TENM2: variants seen among roughly 807,000 people sequenced by gnomAD.
TENM2 encodes teneurin-2.
A neutral mutation model predicts 245.2 loss-of-function variants in TENM2; 52 were observed. That is an observed-to-expected ratio of 0.21 (90% CI 0.17 to 0.27). The LOEUF is 0.27. TENM2 is among the 10% of genes least tolerant of loss of function. The pLI is 1.00. For missense variants in TENM2, 3,046 were observed against 3,666.8 expected, an observed-to-expected ratio of 0.83 and a Z score of 4.37; for synonymous variants, 1,363 against 1,438.9, an observed-to-expected ratio of 0.95 and a Z score of 1.19.
At chr5:167,957,953 GA>G (rs1457626543) in intron 4 of TENM2, among the ~76,000 whole-genome samples, 1 of 152,216 alleles carries the variant, frequency 6.6e-6, no homozygotes, top group Non-Finnish European at 1.5e-5. Context: ...ATATTCTGTT[GA>G]TTTGGGGTGG....
chr5:168,124,522 G>A (rs866743999), intron 10 of TENM2, among the ~76,000 whole-genome samples: 2 of 152,164 alleles, frequency 1.3e-5, no homozygotes, highest in Non-Finnish European at 2.9e-5. Context: ...TTCAGTCAAG[G>A]TCCTAATCTT....
At chr5:167,685,861 C>T (rs970430455) in intron 2 of TENM2, among the ~76,000 whole-genome samples, 2 of 150,920 alleles carry the variant, frequency 1.3e-5, no homozygotes. Context: ...AGGCCTCATA[C>T]GCTTTTTCAA....
At chr5:167,642,258 T>C (rs547696789) in intron 2 of TENM2, among the ~76,000 whole-genome samples, 8 of 152,162 alleles carry the variant, frequency 5.3e-5, no homozygotes, top group Non-Finnish European at 1.5e-5. Context: ...CTTTTTCTCT[T>C]TGCTTACTCT....
chr5:168,153,338 T>C (rs1721284354), intron 12 of TENM2, among the ~76,000 whole-genome samples: 1 of 152,206 alleles, frequency 6.6e-6, no homozygotes, highest in African/African-American at 2.4e-5. Context: ...TGCGGCCCAG[T>C]TAAGACCCGT....
At chr5:167,640,022 C>T (rs1779452540) in intron 2 of TENM2, among the ~76,000 whole-genome samples, 1 of 152,258 alleles carries the variant, frequency 6.6e-6, no homozygotes, top group Non-Finnish European at 1.5e-5. Flanking sequence ...GAAATTATGT[C>T]CCAAGCTTCC....
intron 2 of TENM2, among the ~76,000 whole-genome samples, chr5:167,801,115 T>C (rs6883991): frequency 4.3e-4 from 20 of 46,458 alleles, no homozygotes; most frequent in Admixed American, 9.2e-4. Context: ...AAAAAATATA[T>C]ATATATATAT....
At chr5:167,508,534 C>G (rs954690621) in intron 2 of TENM2, among the ~76,000 whole-genome samples, 3 of 152,122 alleles carry the variant, frequency 2.0e-5, no homozygotes, top group African/African-American at 4.8e-5. Flanking sequence ...AGACAGGACA[C>G]AAGAGCATCT....
chr5:167,532,667 C>T (rs980119930), intron 2 of TENM2, among the ~76,000 whole-genome samples: 12 of 151,880 alleles, frequency 7.9e-5, no homozygotes, highest in African/African-American at 2.9e-4. Flanking sequence ...GGTGGTGACA[C>T]AGCCAAACCG....
chr5:167,457,157 TAAGA>T (rs1405556129), intron 2 of TENM2, among the ~76,000 whole-genome samples: 1 of 152,144 alleles, frequency 6.6e-6, no homozygotes, highest in Non-Finnish European at 1.5e-5. Context: ...TCTAAAATCA[TAAGA>T]AAGTAGAAAG....
At chr5:168,016,612 C>T (rs116459667) in intron 5 of TENM2, among the ~76,000 whole-genome samples, 135 of 152,310 alleles carry the variant, frequency 8.9e-4, no homozygotes, top group African/African-American at 3.1e-3. Context: ...TCAGAAACCA[C>T]GTCTACTGCC....
intron 2 of TENM2, among the ~76,000 whole-genome samples, chr5:167,404,622 A>C (rs1475525391): frequency 2.6e-5 from 4 of 152,140 alleles, no homozygotes; most frequent in African/African-American, 9.7e-5. Flanking sequence ...CATGGTCTCC[A>C]ATGAAGATAA....
At chr5:167,263,557 A>G in the TENM2 span, among the ~76,000 whole-genome samples, 3 of 152,104 alleles carry the variant, frequency 2.0e-5, no homozygotes, top group Admixed American at 6.5e-5. Context: ...CACTCTGGCA[A>G]TTCCCCATAA....
rs554126233 is a variant in TENM2 at position 167,301,474 on chromosome 5, C to T, written c.226+16411C>T. Among the ~76,000 whole-genome samples, 145 of 152,278 alleles carry T rather than the reference C, an allele frequency of 9.5e-4. 2 individuals are homozygous for T. In the South Asian group the frequency reaches 0.024, roughly 26 times the overall value. On this transcript the variant is annotated intron_variant, in intron 1 of 28. Coordinates refer to ENST00000518659, the Ensembl canonical transcript of TENM2. ...TCACAGTGGAGGCAAGGAATTGCAA[C>T]TCAGAAATATGTTGCCACTTGGCTG...
the TENM2 span, among the ~76,000 whole-genome samples, chr5:167,244,313 A>G: frequency 6.6e-6 from 1 of 152,178 alleles, no homozygotes; most frequent in African/African-American, 2.4e-5. Flanking sequence ...GGAAAAAACA[A>G]TGTTTCTATG....
chr5:168,158,463 C>A (rs1206877665), intron 12 of TENM2, among the ~76,000 whole-genome samples: 2 of 152,174 alleles, frequency 1.3e-5, no homozygotes, highest in African/African-American at 4.8e-5. Context: ...TGGGATCCAA[C>A]AGCAAACAAC....
chr5:167,882,919 G>C (rs1773993025), intron 3 of TENM2, among the ~76,000 whole-genome samples: 1 of 152,130 alleles, frequency 6.6e-6, no homozygotes, highest in Admixed American at 6.5e-5. Context: ...CTTTCTTCTT[G>C]TTCTAGTATT....
chr5:168,245,063 G>T (rs528983987), intron 26 of TENM2, among the ~76,000 whole-genome samples: 5 of 152,136 alleles, frequency 3.3e-5, no homozygotes, highest in African/African-American at 1.2e-4. Context: ...CACCGCACCT[G>T]ACCATTTCTG....
At chr5:167,889,125 A>C (rs1297407859) in intron 3 of TENM2, among the ~76,000 whole-genome samples, 2 of 152,194 alleles carry the variant, frequency 1.3e-5, no homozygotes, top group Non-Finnish European at 2.9e-5. Context: ...AAACAAAAAA[A>C]CTAAACTGAT....
At chr5:167,352,973 A>G (rs1296079756) in intron 1 of TENM2, among the ~76,000 whole-genome samples, 1 of 152,214 alleles carries the variant, frequency 6.6e-6, no homozygotes, top group Non-Finnish European at 1.5e-5. Flanking sequence ...TACGTCAATC[A>G]AACCCCACTT....
Sources: allele counts gnomAD v4.1 joint callset (sites outside exome capture counted in the v4.1 genomes callset), GRCh38; gene constraint gnomAD v4.1.1; transcripts MANE v1.5; gene names NCBI Gene and HGNC (gene_info 2026-07-23, HGNC 2026-07-21).